The following FAM222B variants were observed in gnomAD, a reference collection of about 807,000 sequenced individuals.
FAM222B encodes the protein protein FAM222B.
FAM222B carries 12 observed loss-of-function variants against 38.0 expected under a neutral mutation model. The observed-to-expected ratio is 0.32, with a 90% CI of 0.20 to 0.51. FAM222B has a LOEUF of 0.51. Among genes scored for constraint, FAM222B ranks in the 20% least tolerant of loss-of-function variants. The probability of loss-of-function intolerance (pLI) is 0.97; values close to 1 mark genes in which losing one functional copy is unlikely to be tolerated. For missense variants in FAM222B, 716 were observed against 754.2 expected, an observed-to-expected ratio of 0.95 and a Z score of 0.59; for synonymous variants, 329 against 317.2, an observed-to-expected ratio of 1.04 and a Z score of -0.40.
intron 1 of FAM222B, among the ~76,000 whole-genome samples, chr17:28,826,755 G>C (rs907148537): frequency 9.2e-5 from 14 of 151,888 alleles, no homozygotes; most frequent in Non-Finnish European, 1.6e-4. Flanking sequence ...ATAACAGCAG[G>C]GACTTTGTCT....
chr17:28,826,789 G>T (rs191303365), intron 1 of FAM222B, among the ~76,000 whole-genome samples: 2 of 151,802 alleles, frequency 1.3e-5, no homozygotes, highest in African/African-American at 4.8e-5. Context: ...TACTGCCAAT[G>T]CTGAAAACAT....
chr17:28,833,994 C>T (rs2038754984), intron 1 of FAM222B, among the ~76,000 whole-genome samples: 2 of 152,218 alleles, frequency 1.3e-5, no homozygotes, highest in South Asian at 4.1e-4. Context: ...AATGACATCA[C>T]ATTCCACTTA....
At chr17:28,837,355 G>A (rs984959644) in intron 1 of FAM222B, among the ~76,000 whole-genome samples, 1 of 151,302 alleles carries the variant, frequency 6.6e-6, no homozygotes, top group Non-Finnish European at 1.5e-5. Flanking sequence ...GCGTGAACCC[G>A]GGAGGCAGAG....
chr17:28,795,775 A>G (rs533514278), intron 1 of FAM222B, among the ~76,000 whole-genome samples: 1 of 152,326 alleles, frequency 6.6e-6, no homozygotes, highest in Admixed American at 6.5e-5. Flanking sequence ...TGCACTTAGA[A>G]GAGAATTTAA....
At chr17:28,825,663 A>G (rs991206947) in intron 1 of FAM222B, among the ~76,000 whole-genome samples, 12 of 152,100 alleles carry the variant, frequency 7.9e-5, no homozygotes, top group Non-Finnish European at 1.0e-4. Flanking sequence ...ATACTCCTAG[A>G]TCTTAAATGC....
At chr17:28,800,028 T>C (rs2037144680) in intron 1 of FAM222B, among the ~76,000 whole-genome samples, 2 of 149,318 alleles carry the variant, frequency 1.3e-5, no homozygotes, top group Non-Finnish European at 1.5e-5. Flanking sequence ...TGAGCAATGA[T>C]ACTTTCTTTT....
At chr17:28,848,238 G>A (rs17794316) in intron 1 of FAM222B, among the ~76,000 whole-genome samples, 1 of 152,026 alleles carries the variant, frequency 6.6e-6, no homozygotes, top group Non-Finnish European at 1.5e-5. Context: ...CTCCTTGTAC[G>A]TTTTATCTCC....
At chr17:28,814,920 C>T (rs1012009467) in intron 1 of FAM222B, among the ~76,000 whole-genome samples, 6 of 151,024 alleles carry the variant, frequency 4.0e-5, no homozygotes, top group African/African-American at 9.7e-5. Flanking sequence ...ATTACAGGCA[C>T]GAGCCACCGT....
intron 1 of FAM222B, among the ~76,000 whole-genome samples, chr17:28,833,050 C>T (rs1402765584): frequency 2.0e-5 from 3 of 148,116 alleles, no homozygotes; most frequent in Non-Finnish European, 3.0e-5. Context: ...GGGCCAGGCA[C>T]GGTGACTCAG....
At chr17:28,843,614 A>C (rs1325356865), upstream of FAM222B, among the ~76,000 whole-genome samples, 1 of 149,350 alleles carries the variant, frequency 6.7e-6, no homozygotes, top group Non-Finnish European at 1.5e-5. Context: ...CGCCTGGCTA[A>C]CTTTTGTATT....
intron 1 of FAM222B, among the ~76,000 whole-genome samples, chr17:28,836,911 A>G (rs956194670): frequency 1.2e-4 from 19 of 152,068 alleles, no homozygotes; most frequent in Non-Finnish European, 2.4e-4. Flanking sequence ...TGAGGTCAGG[A>G]GTTCGAGACC....
intron 1 of FAM222B, among the ~76,000 whole-genome samples, chr17:28,783,043 C>G (rs2036229914): frequency 6.7e-6 from 1 of 149,030 alleles, no homozygotes; most frequent in Non-Finnish European, 1.5e-5. Flanking sequence ...GAGGCTGAGG[C>G]AGAAGAATGG....
At chr17:28,774,857 G>A (rs1033704707) in intron 1 of FAM222B, among the ~76,000 whole-genome samples, 11 of 151,888 alleles carry the variant, frequency 7.2e-5, no homozygotes, top group South Asian at 2.1e-4. Context: ...CAAGAGAATC[G>A]CTTGAACTCG....
intron 1 of FAM222B, among the ~76,000 whole-genome samples, chr17:28,822,036 TAGTC>T (rs1298479090): frequency 2.0e-5 from 3 of 150,910 alleles, no homozygotes; most frequent in Admixed American, 1.3e-4. Context: ...CAAAAATACA[TAGTC>T]AGGCTGGGTG....
At chr17:28,830,256 G>A (rs914199704) in intron 1 of FAM222B, among the ~76,000 whole-genome samples, 1 of 150,462 alleles carries the variant, frequency 6.6e-6, no homozygotes, top group Non-Finnish European at 1.5e-5. Context: ...CCGCCTCCCA[G>A]GTTTACGCCA....
At chr17:28,772,573 CAAA>C (rs111471814) in intron 1 of FAM222B, among the ~76,000 whole-genome samples, 2 of 93,054 alleles carry the variant, frequency 2.1e-5, no homozygotes, top group Admixed American at 1.1e-4. Flanking sequence ...AAAAAAAATA[CAAA>C]AAAAAAAAAA....
At chr17:28,810,088 C>T (rs560015857) in intron 1 of FAM222B, among the ~76,000 whole-genome samples, 4 of 152,174 alleles carry the variant, frequency 2.6e-5, no homozygotes, top group Non-Finnish European at 5.9e-5. Flanking sequence ...CCTCTGCCTC[C>T]CGGGTTCCAG....
chr17:28,816,676 AAC>A (rs1480790606), intron 1 of FAM222B, among the ~76,000 whole-genome samples: 1 of 152,140 alleles, frequency 6.6e-6, no homozygotes, highest in Non-Finnish European at 1.5e-5. Context: ...AAAGAAGGCA[AAC>A]AGTCTTAAAA....
At chr17:28,854,901 C>T in intron 1 of FAM222B, 1 of 957,462 alleles carries the variant, frequency 1.0e-6, no homozygotes, top group Non-Finnish European at 1.5e-6. Context: ...GCAATTCCTC[C>T]TCCCGCCCAC....
Sources: gnomAD v4.1 joint callset for allele counts (sites outside exome capture counted in the v4.1 genomes callset) on GRCh38, gnomAD v4.1.1 for gene constraint, MANE v1.5 for transcripts, NCBI Gene and HGNC (gene_info 2026-07-23, HGNC 2026-07-21) for gene names.